DIAPH2: variants seen among roughly 807,000 people sequenced by gnomAD.
DIAPH2 encodes protein diaphanous homolog 2.
Under a neutral mutation model 92.7 loss-of-function variants are expected in DIAPH2, and 35 were observed. The ratio of observed to expected loss-of-function variants is 0.38; its 90% confidence interval spans 0.29 to 0.50. The LOEUF (loss-of-function observed/expected upper bound fraction) is 0.50. DIAPH2 is among the 20% of genes least tolerant of loss of function. The pLI is 0.94. For synonymous variants in DIAPH2, 301 were observed against 280.4 expected (o/e 1.07, Z -0.73); for missense variants, 701 against 819.5 (o/e 0.86, Z 1.77).
chrX:97,188,063 T>G (rs1253884417), intron 22 of DIAPH2, among the ~76,000 whole-genome samples: 1 of 111,267 alleles, frequency 9.0e-6, no homozygotes, highest in African/African-American at 3.3e-5. Context: ...AAAAAGATAA[T>G]AGGTAAATTC....
chrX:97,374,741 T>C (rs1358799168), intron 24 of DIAPH2, among the ~76,000 whole-genome samples: 1 of 112,073 alleles, frequency 8.9e-6, no homozygotes, highest in African/African-American at 3.2e-5. Context: ...GAATATCTAA[T>C]GTTGTTGGGT....
At chrX:96,740,870 C>T (rs1385216475) in intron 3 of DIAPH2, among the ~76,000 whole-genome samples, 1 of 110,943 alleles carries the variant, frequency 9.0e-6, no homozygotes, top group African/African-American at 3.3e-5. Flanking sequence ...GTCCCTACTC[C>T]GTTCCCTCAA....
At chrX:97,412,100 A>G (rs2069881432) in intron 25 of DIAPH2, among the ~76,000 whole-genome samples, 1 of 112,239 alleles carries the variant, frequency 8.9e-6, no homozygotes. Flanking sequence ...CAGAATATGC[A>G]TTCTTCTCAG....
chrX:97,351,080 T>A (rs1156981185), intron 24 of DIAPH2, among the ~76,000 whole-genome samples: 1 of 112,359 alleles, frequency 8.9e-6, no homozygotes, highest in Non-Finnish European at 1.9e-5. Flanking sequence ...CTGCTACCAC[T>A]TCTATCTACA....
chrX:97,009,245 T>A (rs769151820), intron 17 of DIAPH2, among the ~76,000 whole-genome samples: 1 of 111,109 alleles, frequency 9.0e-6, no homozygotes, highest in Non-Finnish European at 1.9e-5. Flanking sequence ...ACTACTTTGA[T>A]GTTCATTGAA....
intron 4 of DIAPH2, among the ~76,000 whole-genome samples, chrX:96,832,018 G>T (rs1243760330): frequency 9.0e-6 from 1 of 111,532 alleles, no homozygotes; most frequent in Non-Finnish European, 1.9e-5. Flanking sequence ...CGATCCTACT[G>T]TGACCTTCTA....
intron 26 of DIAPH2, among the ~76,000 whole-genome samples, chrX:97,597,718 G>C (rs2071563176): frequency 9.0e-6 from 1 of 111,222 alleles, no homozygotes; most frequent in Admixed American, 9.5e-5. Context: ...ATGCAAACCA[G>C]TGACATCTAA....
chrX:97,191,414 G>A (rs1389064944), intron 22 of DIAPH2, among the ~76,000 whole-genome samples: 1 of 110,894 alleles, frequency 9.0e-6, no homozygotes, highest in East Asian at 2.8e-4. Context: ...TTACACATTT[G>A]TTGGATTTGT....
intron 22 of DIAPH2, among the ~76,000 whole-genome samples, chrX:97,201,534 A>G (rs1268592431): frequency 9.3e-6 from 1 of 107,920 alleles, no homozygotes; most frequent in Non-Finnish European, 1.9e-5. Context: ...ACAAGGATCA[A>G]TAGCTGAATC....
chrX:97,106,760 C>T (rs934109075), intron 20 of DIAPH2, among the ~76,000 whole-genome samples: 6 of 110,610 alleles, frequency 5.4e-5, no homozygotes, highest in Non-Finnish European at 1.1e-4. Context: ...GGTGAAGCCC[C>T]GTCTCTACTA....
chrX:96,960,175 T>C (rs1426866245), intron 16 of DIAPH2, among the ~76,000 whole-genome samples: 5 of 111,567 alleles, frequency 4.5e-5, no homozygotes, highest in African/African-American at 1.6e-4. Context: ...AGGGATTGCA[T>C]TGAATCTGTA....
At chrX:96,802,455 C>T (rs1277008128) in intron 4 of DIAPH2, among the ~76,000 whole-genome samples, 1 of 112,241 alleles carries the variant, frequency 8.9e-6, no homozygotes, top group Admixed American at 9.5e-5. Context: ...CTCTAGTATA[C>T]TGTAGTATTT....
At position 96,767,136 on chromosome X, in the gene DIAPH2, C is replaced by T. The variant is rs192296628; in HGVS notation, c.447+8878C>T. On this transcript the variant is annotated intron_variant, in intron 4 of 26. Coordinates refer to ENST00000324765, the MANE Select transcript of DIAPH2 (RefSeq NM_006729.5). ...TTTATTTTTAACTCTTAGGGAGTCA[C>T]TCTTAACTTTATCTTATAGTTCCTA... 2.7e-4 allele frequency among the ~76,000 whole-genome samples: 30 copies of T among 111,702 alleles called. No homozygotes were observed. The East Asian group carries it at 6.2e-3, about 23-fold the overall frequency.
intron 26 of DIAPH2, among the ~76,000 whole-genome samples, chrX:97,579,899 G>A (rs1295978073): frequency 9.2e-6 from 1 of 108,645 alleles, no homozygotes; most frequent in Non-Finnish European, 1.9e-5. Flanking sequence ...TTGTAAGTTG[G>A]ATTCCTAGCT....
At chrX:96,724,366 G>A (rs2064008666) in intron 1 of DIAPH2, among the ~76,000 whole-genome samples, 1 of 111,702 alleles carries the variant, frequency 9.0e-6, no homozygotes, top group South Asian at 3.7e-4. Context: ...ACCAAATTAC[G>A]CAGCAGTGAG....
intron 4 of DIAPH2, among the ~76,000 whole-genome samples, chrX:96,817,433 A>G (rs1296056084): frequency 2.7e-5 from 3 of 111,738 alleles, no homozygotes; most frequent in Non-Finnish European, 5.6e-5. Context: ...AGATGGCTTA[A>G]TTATTGTGAG....
chrX:97,217,050 A>C (rs1441708909), intron 22 of DIAPH2, among the ~76,000 whole-genome samples: 1 of 111,920 alleles, frequency 8.9e-6, no homozygotes, highest in Non-Finnish European at 1.9e-5. Context: ...GCATGAAAAA[A>C]ATTATGCTAT....
At chrX:97,573,334 A>T (rs1166989487) in intron 26 of DIAPH2, among the ~76,000 whole-genome samples, 5 of 110,561 alleles carry the variant, frequency 4.5e-5, no homozygotes, top group Admixed American at 3.9e-4. Context: ...ATTTTTTGGC[A>T]ATATATATAT....
chrX:97,130,794 AG>A (rs2067132520), intron 21 of DIAPH2, among the ~76,000 whole-genome samples: 1 of 111,247 alleles, frequency 9.0e-6, no homozygotes, highest in African/African-American at 3.3e-5. Context: ...TAGGAGACTG[AG>A]GCAGGATTGC....
Sources: allele counts gnomAD v4.1 joint callset (sites outside exome capture counted in the v4.1 genomes callset), GRCh38; gene constraint gnomAD v4.1.1; transcripts MANE v1.5; gene names NCBI Gene and HGNC (gene_info 2026-07-23, HGNC 2026-07-21).